The following DTNA variants were observed in gnomAD, a reference collection of about 807,000 sequenced individuals.
DTNA encodes dystrobrevin alpha, also known as dystrophin-related protein 3.
In DTNA, 43 loss-of-function variants were observed where a neutral mutation model predicts 100.7. The ratio of observed to expected loss-of-function variants is 0.43; its 90% CI spans 0.33 to 0.55. DTNA has a LOEUF of 0.55. Among genes scored for constraint, DTNA ranks in the 20% least tolerant of loss-of-function variants. DTNA has a pLI of 0.04. For synonymous variants in DTNA, 349 were observed against 347.9 expected (o/e 1.00, Z -0.04); for missense variants, 798 against 953.9 (o/e 0.84, Z 2.15).
At chr18:34,601,470 G>T (rs2051814620) in intron 1 of DTNA, among the ~76,000 whole-genome samples, 1 of 152,150 alleles carries the variant, frequency 6.6e-6, no homozygotes, top group Non-Finnish European at 1.5e-5. Flanking sequence ...AGCGTCTGGA[G>T]TCAAGTCCCT....
intron 1 of DTNA, among the ~76,000 whole-genome samples, chr18:34,594,712 A>AT (rs2050235527): frequency 1.3e-5 from 2 of 152,178 alleles, no homozygotes; most frequent in Non-Finnish European, 2.9e-5. Flanking sequence ...AAGTCATTTG[A>AT]TTTTACAACT....
chr18:34,844,407 G>A (rs1193139185), intron 13 of DTNA, among the ~76,000 whole-genome samples: 1 of 152,010 alleles, frequency 6.6e-6, no homozygotes, highest in Non-Finnish European at 1.5e-5. Flanking sequence ...TCGGTCCCCA[G>A]TGTCACTTTG....
intron 17 of DTNA, chr18:34,866,023 T>C: frequency 6.9e-7 from 1 of 1,448,816 alleles, no homozygotes; most frequent in South Asian, 1.1e-5. Context: ...GTGTTGATGT[T>C]TCCCCATCTT....
intron 1 of DTNA, among the ~76,000 whole-genome samples, chr18:34,561,974 A>AT (rs1024052715): frequency 6.6e-6 from 1 of 152,106 alleles, no homozygotes; most frequent in Non-Finnish European, 1.5e-5. Context: ...AAGTGATTGC[A>AT]TTTTTTTCTT....
chr18:34,886,846 C>T (rs2150482742), intron 22 of DTNA, among the ~76,000 whole-genome samples: 1 of 152,332 alleles, frequency 6.6e-6, no homozygotes, highest in Non-Finnish European at 1.5e-5. Flanking sequence ...AGTGGCTTTT[C>T]ATTTTTGCAG....
At chr18:34,859,717 G>T (rs146192949) in intron 16 of DTNA, among the ~76,000 whole-genome samples, 1 of 151,636 alleles carries the variant, frequency 6.6e-6, no homozygotes, top group East Asian at 1.9e-4. Context: ...CCTTAGTTTC[G>T]CTGCCTCCAG....
At chr18:34,704,329 C>T (rs2081841205) in intron 1 of DTNA, among the ~76,000 whole-genome samples, 1 of 152,216 alleles carries the variant, frequency 6.6e-6, no homozygotes, top group Non-Finnish European at 1.5e-5. Flanking sequence ...ATCTTGGTCA[C>T]TGAATATGCT....
intron 1 of DTNA, among the ~76,000 whole-genome samples, chr18:34,569,669 C>CA (rs1479347393): frequency 1.3e-5 from 2 of 152,082 alleles, no homozygotes; most frequent in Non-Finnish European, 2.9e-5. Flanking sequence ...CAAAAATCTA[C>CA]AGAGTGGGAC....
Position 34,889,563 on chromosome 18 carries a change from C to G in DTNA, c.*1829C>G. The G allele has an allele frequency of 1.0e-6, 1 of 985,384 alleles. No homozygotes were observed. The highest frequency in any genetic ancestry group is 1.2e-6 in the Non-Finnish European group (1 of 829,924). The allele number at this position is 985,384 out of a possible 1,614,324, so 61.0% of individuals were successfully genotyped here. On this transcript the variant is annotated 3_prime_UTR_variant, in exon 23 of 23. Coordinates refer to ENST00000444659, the MANE Select transcript of DTNA (RefSeq NM_001386795.1). ...ACACCAAGTTCGTAGTTGGTAGGTG[C>G]CCAGCCAAGTCCTGACATCTTCATG...
intron 3 of DTNA, among the ~76,000 whole-genome samples, chr18:34,770,622 G>A (rs1186493093): frequency 6.6e-6 from 1 of 152,018 alleles, no homozygotes; most frequent in East Asian, 1.9e-4. Flanking sequence ...TGAACAAGAG[G>A]CCACTGTCAC....
chr18:34,841,769 T>G (rs2096272647), intron 13 of DTNA, among the ~76,000 whole-genome samples: 1 of 152,164 alleles, frequency 6.6e-6, no homozygotes, highest in Non-Finnish European at 1.5e-5. Flanking sequence ...CCCCATTCCT[T>G]GGCCTCTAGC....
rs571314556 is a variant in DTNA at position 34,778,201 on chromosome 18, C to T, written c.148+12160C>T. ...CATTCTAAAGCTTGATACATAGAAG[C>T]TCCTACAGGAGATGGGGAGGGATGA... On this transcript the variant is annotated intron_variant, in intron 3 of 22. Coordinates refer to ENST00000444659, the MANE Select transcript of DTNA (RefSeq NM_001386795.1). Among the ~76,000 whole-genome samples the T allele has an allele frequency of 1.7e-4, 26 of 152,230 alleles. 1 individual carries two copies. Among genetic ancestry groups the T allele is most frequent in the Admixed American group, 7.2e-4 (11 of 15,286 alleles).
At chr18:34,714,813 TC>T (rs1400247380) in intron 1 of DTNA, among the ~76,000 whole-genome samples, 1 of 151,964 alleles carries the variant, frequency 6.6e-6, no homozygotes, top group Non-Finnish European at 1.5e-5. Flanking sequence ...AAGCCAAACG[TC>T]CAACAATGAT....
chr18:34,667,030 C>T (rs537340476), intron 1 of DTNA, among the ~76,000 whole-genome samples: 208 of 152,210 alleles, frequency 1.4e-3, no homozygotes, highest in African/African-American at 4.6e-3. Flanking sequence ...GCCATTTTCA[C>T]GATATTGATT....
At chr18:34,771,184 GT>G (rs1434666452) in intron 3 of DTNA, among the ~76,000 whole-genome samples, 1 of 152,136 alleles carries the variant, frequency 6.6e-6, no homozygotes, top group Non-Finnish European at 1.5e-5. Context: ...CAAAAAGAAT[GT>G]TGACCAATCC....
intron 1 of DTNA, among the ~76,000 whole-genome samples, chr18:34,520,497 CA>C (rs2042051080): frequency 6.6e-6 from 1 of 151,818 alleles, no homozygotes; most frequent in Non-Finnish European, 1.5e-5. Flanking sequence ...ACCAAAAATA[CA>C]AAAAAATTAT....
intron 1 of DTNA, among the ~76,000 whole-genome samples, chr18:34,613,857 TAAG>T (rs2054707124): frequency 6.6e-6 from 1 of 152,234 alleles, no homozygotes; most frequent in African/African-American, 2.4e-5. Flanking sequence ...AAGATCTAGC[TAAG>T]AAGACTGAGG....
chr18:34,765,720 A>G (rs2093432902), intron 2 of DTNA, among the ~76,000 whole-genome samples: 1 of 152,222 alleles, frequency 6.6e-6, no homozygotes, highest in Admixed American at 6.5e-5. Context: ...TTCTTGATCC[A>G]AGAATATGGT....
upstream of DTNA, chr18:34,708,247 G>A (rs531127824): frequency 1.3e-5 from 2 of 152,146 alleles, no homozygotes; most frequent in African/African-American, 4.8e-5. Context: ...TACAGTACTT[G>A]TTAGAGATCA....
Sources: gnomAD v4.1 joint callset for allele counts (sites outside exome capture counted in the v4.1 genomes callset) on GRCh38, gnomAD v4.1.1 for gene constraint, MANE v1.5 for transcripts, NCBI Gene and HGNC (gene_info 2026-07-23, HGNC 2026-07-21) for gene names.